RLN2: variants seen among roughly 807,000 people sequenced by gnomAD.
The protein encoded by RLN2 is relaxin 2.
Under a neutral mutation model 7.3 loss-of-function variants are expected in RLN2, and 10 were observed. The observed-to-expected ratio is 1.36, with a 90% CI of 0.84 to 2.31. The LOEUF is 2.31. Ranked by LOEUF, RLN2 falls within the 30% of genes most tolerant of loss-of-function variation. RLN2 has a pLI of 0.00. For missense variants in RLN2, 298 were observed against 217.6 expected (o/e 1.37, Z -2.32); for synonymous variants, 103 against 82.3 (o/e 1.25, Z -1.36).
At chr9:5,307,302 TA>T (rs1373148742), upstream of RLN2, among the ~76,000 whole-genome samples, 38 of 144,562 alleles carry the variant, frequency 2.6e-4, 1 homozygote, top group Admixed American at 6.2e-4. Flanking sequence ...GATAGATAGA[TA>T]GATAGATGAT....
the RLN2 span, among the ~76,000 whole-genome samples, chr9:5,319,927 T>C: frequency 6.6e-6 from 1 of 150,964 alleles, no homozygotes; most frequent in Non-Finnish European, 1.5e-5. Context: ...TTAAACTTAA[T>C]TTTTTTATTT....
the RLN2 span, among the ~76,000 whole-genome samples, chr9:5,336,753 T>C: frequency 6.6e-6 from 1 of 151,904 alleles, no homozygotes; most frequent in South Asian, 2.1e-4. Flanking sequence ...AACTATCCAA[T>C]ACCAAGGCAT....
upstream of RLN2, among the ~76,000 whole-genome samples, chr9:5,306,514 G>A (rs557592619): frequency 9.2e-5 from 14 of 152,162 alleles, no homozygotes; most frequent in Non-Finnish European, 1.9e-4. Context: ...GGGTAATTTT[G>A]GCCAGCACAT....
Position 5,300,312 on chromosome 9 carries a change from T to A in RLN2, c.344A>T (p.His115Leu). Residue 115 changes from histidine (H) to leucine (L), a missense_variant, in exon 2 of 2, where the codon CAT (histidine) becomes CTT (leucine). Coordinates refer to ENST00000381627, the MANE Select transcript of RLN2 (RefSeq NM_134441.3). ...MQPALPQLQQ[H>L]VPVLKDSSLL... ...ACTGGAATCTTTTAATACAGGTACA[T>A]GTTGTTGTAGCTGTGGTAATGCTGG... 6.2e-7 allele frequency: 1 copy of A among 1,613,452 alleles called. No homozygotes were observed. Among genetic ancestry groups the A allele is most frequent in the South Asian group, 1.1e-5 (1 of 91,060 alleles).
chr9:5,304,951 C>T (rs115673451), upstream of RLN2: 2,070 of 208,238 alleles, frequency 9.9e-3, 64 homozygotes, highest in African/African-American at 0.045. Flanking sequence ...TCCTTTTACA[C>T]ACACAGAAAC....
At chr9:5,308,728 T>G (rs975929204), upstream of RLN2, among the ~76,000 whole-genome samples, 14 of 152,120 alleles carry the variant, frequency 9.2e-5, no homozygotes, top group Admixed American at 3.3e-4. Flanking sequence ...TGGCCTCACA[T>G]GGCCTGACCA....
At chr9:5,325,077 T>C in the RLN2 span, among the ~76,000 whole-genome samples, 1 of 152,090 alleles carries the variant, frequency 6.6e-6, no homozygotes, top group South Asian at 2.1e-4. Flanking sequence ...TTAAAAATAA[T>C]AATATAACAT....
the RLN2 span, among the ~76,000 whole-genome samples, chr9:5,329,577 G>C: frequency 1.4e-5 from 1 of 73,582 alleles, no homozygotes. Context: ...CCAAGGAAAC[G>C]GAGAGAAAAA....
the RLN2 span, among the ~76,000 whole-genome samples, chr9:5,329,690 A>T: frequency 1.3e-5 from 2 of 151,990 alleles, no homozygotes; most frequent in Non-Finnish European, 2.9e-5. Flanking sequence ...TAAAGGGATC[A>T]ATTCACCAAG....
At chr9:5,304,170 C>T in intron 1 of RLN2, 200 bp downstream of exon 1, 1 of 476,364 alleles carries the variant, frequency 2.1e-6, no homozygotes. Context: ...GGTGAGATTC[C>T]CAGTGAGACT....
chr9:5,316,547 G>A, the RLN2 span, among the ~76,000 whole-genome samples: 350 of 151,984 alleles, frequency 2.3e-3, 4 homozygotes, highest in African/African-American at 8.1e-3. Context: ...TGCAGTGTTT[G>A]GTTTTCTGTT....
upstream of RLN2, chr9:5,304,885 A>C (rs1333074710): frequency 2.7e-6 from 1 of 368,878 alleles, no homozygotes; most frequent in Non-Finnish European, 5.0e-6. Flanking sequence ...CTTCTCATTC[A>C]TTACCCTCAA....
At chr9:5,326,687 C>A in the RLN2 span, among the ~76,000 whole-genome samples, 1 of 152,046 alleles carries the variant, frequency 6.6e-6, no homozygotes, top group African/African-American at 2.4e-5. Context: ...GCATGACAGA[C>A]TATTTTTAGC....
chr9:5,304,340 G>A (rs1428686681), intron 1 of RLN2, 30 bp downstream of exon 1: 5 of 1,498,574 alleles, frequency 3.3e-6, no homozygotes, highest in South Asian at 2.4e-5. Flanking sequence ...GGGAAGCGCG[G>A]GAAGGCCGGG....
At chr9:5,306,635 T>C (rs181501792), upstream of RLN2, among the ~76,000 whole-genome samples, 175 of 152,126 alleles carry the variant, frequency 1.2e-3, no homozygotes, top group Middle Eastern at 3.4e-3. Context: ...AAAAAGGAAA[T>C]CTTTTTAAGG....
chr9:5,306,073 T>C (rs1400136100), upstream of RLN2, among the ~76,000 whole-genome samples: 1 of 151,504 alleles, frequency 6.6e-6, no homozygotes, highest in Non-Finnish European at 1.5e-5. Context: ...TCGTTAAAAA[T>C]GTAAATTTCC....
At chr9:5,314,748 T>C in the RLN2 span, among the ~76,000 whole-genome samples, 1 of 152,012 alleles carries the variant, frequency 6.6e-6, no homozygotes, top group African/African-American at 2.4e-5. Context: ...ATCTGCCCTC[T>C]GCTATTCCAG....
chr9:5,317,303 G>A, the RLN2 span, among the ~76,000 whole-genome samples: 44 of 151,582 alleles, frequency 2.9e-4, 2 homozygotes, highest in East Asian at 5.2e-3. Flanking sequence ...ATTCAACTAC[G>A]TGCAGCTTAC....
chr9:5,322,585 T>C, the RLN2 span, among the ~76,000 whole-genome samples: 10 of 151,906 alleles, frequency 6.6e-5, no homozygotes, highest in Admixed American at 6.6e-4. Context: ...AGAGAACAAT[T>C]TGATTTCTAA....
Sources: allele counts gnomAD v4.1 joint callset (sites outside exome capture counted in the v4.1 genomes callset), GRCh38; gene constraint gnomAD v4.1.1; transcripts MANE v1.5; gene names NCBI Gene and HGNC (gene_info 2026-07-23, HGNC 2026-07-21).